Variants in GBA2 observed in about 807,000 individuals in gnomAD.
GBA2 encodes non-lysosomal glucosylceramidase.
A neutral mutation model predicts 112.9 loss-of-function variants in GBA2; 79 were observed. The observed-to-expected ratio is 0.70, with a 90% confidence interval of 0.58 to 0.84. The LOEUF (loss-of-function observed/expected upper bound fraction) is 0.84. Ranked by LOEUF, GBA2 falls within the 40% of genes least tolerant of loss-of-function variation. The pLI is 0.00. For missense variants in GBA2, 1,043 were observed against 1,190.0 expected, an observed-to-expected ratio of 0.88 and a Z score of 1.82; for synonymous variants, 403 against 434.3, an observed-to-expected ratio of 0.93 and a Z score of 0.90.
intron 12 of GBA2, 31 bp downstream of exon 12, chr9:35,738,721 G>A (rs199919791): frequency 1.1e-5 from 17 of 1,612,294 alleles, no homozygotes; most frequent in Admixed American, 1.7e-5. Flanking sequence ...CATACCCCTG[G>A]CACACTGGCC....
At position 35,737,966 on chromosome 9, in the gene GBA2, T is replaced by TTA; in HGVS notation, c.2314-28_2314-27insTA. On this transcript the variant is annotated intron_variant, in intron 15 of 16. Transcript: ENST00000378103. This position sits in a 1 kb window ranked among gnomAD's most constrained non-coding sequence, Gnocchi z 4.1. ...TGGAGGGGCAAGGGCAGGAACATGG[T>TTA]CTCATATACTTACTTCCCACCTCCA... The TTA allele has an allele frequency of 6.2e-7, 1 of 1,603,286 alleles. No homozygotes were observed. The highest frequency in any genetic ancestry group is 2.2e-5 in the East Asian group (1 of 44,738).
In GBA2 at chr9:35,739,418, G is replaced by A. The variant is rs765446374; in HGVS notation, c.1584C>T (p.Gly528=). The A allele has an allele frequency of 6.2e-7, 1 of 1,601,122 alleles. No individual in the cohort carries two copies. The highest frequency in any genetic ancestry group is 1.1e-5 in the South Asian group (1 of 90,818). The change falls in exon 10 of 17, where the codon GGC becomes GGT. Residue 528 remains glycine (G), a splice_region_variant and synonymous_variant. Coordinates refer to ENST00000378103, the MANE Select transcript of GBA2 (RefSeq NM_020944.3). ...RDYGRFGYLE[G]QEYRMYNTYD... Reference sequence around the variant, plus strand: ...ATGTGTTGTACATGCGGTACTCCTGGCCTGGAGGAATGAATGAGACACACT... The same window carrying A: ...ATGTGTTGTACATGCGGTACTCCTGACCTGGAGGAATGAATGAGACACACT...
chr9:35,737,000 T>C lies in GBA2; in HGVS notation c.*169A>G. The C allele has an allele frequency of 9.7e-7, 1 of 1,029,152 alleles. No individual in the cohort carries two copies. The highest frequency in any genetic ancestry group is 1.4e-6 in the Non-Finnish European group (1 of 722,520). The allele number at this position is 1,029,152 out of a possible 1,614,324, so 63.8% of individuals were successfully genotyped here. On this transcript the variant is annotated 3_prime_UTR_variant, in exon 17 of 17. Transcript: ENST00000378103. ...GAAAGAAATAAATAAGTGATTCTAA[T>C]GCTGCCTAGGTCACCCTCAACCCCC... is the stretch of plus-strand genomic sequence containing the variant.
rs1205620714 is a variant in GBA2, at chr9:35,741,008, T to G, written c.843A>C (p.Glu281Asp). Residue 281 changes from glutamate (E) to aspartate (D), a missense_variant, in exon 5 of 17, where the codon GAA becomes GAC. Physicochemically the swap from Glu to Asp is conservative, Grantham distance 45. Coordinates refer to ENST00000378103, the MANE Select transcript of GBA2 (RefSeq NM_020944.3). This position sits in a 1 kb window ranked among gnomAD's most constrained non-coding sequence, Gnocchi z 4.6. ...FVWDVENEGD[E>D]ALDVSIMFSM... ...AGAACATGATGGACACATCTAGAGCTTCGTCCCCTTCATTTTCCACATCCC... is the reference window on the plus strand; with the variant it reads ...AGAACATGATGGACACATCTAGAGCGTCGTCCCCTTCATTTTCCACATCCC... 9 of 1,613,942 alleles carry G rather than the reference T, an allele frequency of 5.6e-6. No individual in the cohort carries two copies. The highest frequency in any genetic ancestry group is 7.6e-6 in the Non-Finnish European group (9 of 1,179,946).
chr9:35,738,727 T>C, intron 12 of GBA2, 25 bp downstream of exon 12: 3 of 1,612,524 alleles, frequency 1.9e-6, no homozygotes, highest in African/African-American at 1.3e-5. Context: ...CCTGGCACAC[T>C]GGCCACTGCA....
chr9:35,741,541 G>A lies in GBA2; in HGVS notation c.786+131C>T, dbSNP rs181070944. The A allele has an allele frequency of 1.2e-4, 88 of 728,102 alleles. No homozygotes were observed. In the East Asian group the frequency reaches 1.9e-3, roughly 16 times the overall value. 45.1% of individuals were successfully genotyped at this position (728,102 alleles called of 1,614,324 possible). A position where few individuals can be genotyped will look rare whatever the true frequency, so the allele number is the denominator to read the frequency against. On this transcript the variant is annotated intron_variant, in intron 4 of 16. Coordinates refer to ENST00000378103, the MANE Select transcript of GBA2 (RefSeq NM_020944.3). The surrounding 1 kb of genome is among the most constrained non-coding windows in gnomAD (Gnocchi z 4.6). ...TCTCGATCTCCTGATCTCATGATCC[G>A]CCTGCCTTGGCCTCCCAAAGTGTTG... is the stretch of plus-strand genomic sequence containing the variant.
At chr9:35,739,260 A>C in intron 10 of GBA2, 55 bp downstream of exon 10, 1 of 1,217,356 alleles carries the variant, frequency 8.2e-7, no homozygotes, top group Non-Finnish European at 1.2e-6. Context: ...GGACCACAGA[A>C]GTTCGGGGGT....
At chr9:35,739,294 C>T (rs374850038) in intron 10 of GBA2, 21 bp downstream of exon 10, 31 of 1,506,784 alleles carry the variant, frequency 2.1e-5, no homozygotes, top group East Asian at 1.8e-4. Context: ...AGGGCAGAAG[C>T]GGCACAAAAG....
In GBA2 at chr9:35,740,597, A is replaced by G. The variant is rs1342067395; in HGVS notation, c.1058T>C (p.Phe353Ser). 1.2e-6 allele frequency: 2 copies of G among 1,614,058 alleles called. No homozygotes were observed. The highest frequency in any genetic ancestry group is 1.7e-6 in the Non-Finnish European group (2 of 1,179,932). Reference sequence around the variant, plus strand: ...CTGCTGCCCCGTGCTGTCAGGGTCAAAGGCTGTGATGTGGGTTACCGTGGT... The same window carrying G: ...CTGCTGCCCCGTGCTGTCAGGGTCAGAGGCTGTGATGTGGGTTACCGTGGT... ...AATTVTHITA[F>S]DPDSTGQQVW... The change falls in exon 6 of 17, where the codon TTT becomes TCT. Residue 353 changes from phenylalanine (F) to serine (S), a missense_variant. Phe to Ser is a radical substitution (Grantham distance 155, BLOSUM62 -2). Coordinates refer to ENST00000378103, the MANE Select transcript of GBA2 (RefSeq NM_020944.3). This position sits in a 1 kb window ranked among gnomAD's most constrained non-coding sequence, Gnocchi z 4.7.
At chr9:35,745,594 G>A (rs1588025279) in intron 1 of GBA2, among the ~76,000 whole-genome samples, 1 of 128,072 alleles carries the variant, frequency 7.8e-6, no homozygotes, top group East Asian at 2.2e-4. Context: ...GAAGCTTTCT[G>A]ATTTTGCTCT....
rs751675685 is a variant in GBA2 at position 35,738,336 on chromosome 9, ACAGCCACAGCTGC to A, written c.2080_2092del (p.Ala694Ter). The A allele has an allele frequency of 6.2e-7, 1 of 1,614,128 alleles. No homozygotes were observed. The highest frequency in any genetic ancestry group is 8.5e-7 in the Non-Finnish European group (1 of 1,179,994). On this transcript the variant is annotated frameshift_variant, in exon 14 of 17. Coordinates refer to ENST00000378103, the MANE Select transcript of GBA2 (RefSeq NM_020944.3). LOFTEE classifies it high-confidence loss of function. ...ACACAGAGCAGCCATCTGGACCATCACAGCCACAGCTGCCAGCCACAGCCCTCCACAGTAAGCA... is the reference window on the plus strand; with the variant it reads ...ACACAGAGCAGCCATCTGGACCATCACAGCCACAGCCCTCCACAGTAAGCA...
At position 35,741,325 on chromosome 9, in the gene GBA2, C is replaced by CTT. The variant is rs1042549418; in HGVS notation, c.787-263_787-262dup. 1,167 of 407,936 alleles carry CTT rather than the reference C, an allele frequency of 2.9e-3. No homozygotes were observed. Among genetic ancestry groups the CTT allele is most frequent in the South Asian group, 4.8e-3 (144 of 29,820 alleles). 25.3% of individuals were successfully genotyped at this position (407,936 alleles called of 1,614,324 possible). A position where few individuals can be genotyped will look rare whatever the true frequency, so the allele number is the denominator to read the frequency against. On this transcript the variant is annotated intron_variant, in intron 4 of 16. Coordinates refer to ENST00000378103, the MANE Select transcript of GBA2 (RefSeq NM_020944.3). The surrounding 1 kb of genome is among the most constrained non-coding windows in gnomAD (Gnocchi z 4.6). ...CTCCCTTTCACAGGCCATGCAGTTT[C>CTT]TTTTTTTTTTTTTTTGGGGGGTGCG...
chr9:35,741,712 G>T lies in GBA2; in HGVS notation c.746C>A (p.Thr249Asn). The change falls in exon 4 of 17, where the codon ACC becomes AAC. Residue 249 changes from threonine to asparagine, a missense_variant. Physicochemically the swap from Thr to Asn is moderately conservative, Grantham distance 65. Coordinates refer to ENST00000378103, the MANE Select transcript of GBA2 (RefSeq NM_020944.3). The surrounding 1 kb of genome is among the most constrained non-coding windows in gnomAD (Gnocchi z 4.6). ...YQLPGQNVTLTCRQITPILPH... is the reference protein window; with the variant it reads ...YQLPGQNVTLNCRQITPILPH... ...CAAGATGGGTGTGATCTGACGGCAG[G>T]TGAGGGTGACATTCTGGCCAGGAAG... 6.2e-7 allele frequency: 1 copy of T among 1,613,892 alleles called. No individual in the cohort carries two copies.
chr9:35,745,307 T>G (rs1826917184), intron 1 of GBA2, among the ~76,000 whole-genome samples: 1 of 152,004 alleles, frequency 6.6e-6, no homozygotes, highest in African/African-American at 2.4e-5. Flanking sequence ...GTGTTTTTAG[T>G]AGAGATGGGG....
In GBA2 at chr9:35,746,168, G is replaced by A. The variant is rs557718887; in HGVS notation, c.360-1462C>T. ...AGCTGAATATTACCCTCAGGTCCAA[G>A]CACAGGGTAGGACATATGGTCTGCA... On this transcript the variant is annotated intron_variant, in intron 1 of 16. Coordinates refer to ENST00000378103, the MANE Select transcript of GBA2 (RefSeq NM_020944.3). This position sits in a 1 kb window ranked among gnomAD's most constrained non-coding sequence, Gnocchi z 5.2. Among the ~76,000 whole-genome samples, 99 of 152,214 alleles carry A rather than the reference G, an allele frequency of 6.5e-4. No individual in the cohort carries two copies. The highest frequency in any genetic ancestry group is 1.3e-3 in the Non-Finnish European group (87 of 68,044).
Position 35,738,862 on chromosome 9 carries a change from C to T in GBA2, c.1837G>A (p.Asp613Asn). Residue 613 changes from aspartate (D) to asparagine (N), a missense_variant, in exon 12 of 17, where the codon GAT becomes AAT. Physicochemically the swap from Asp to Asn is conservative, Grantham distance 23 (BLOSUM62 1). Transcript: ENST00000378103. ...WLRVNAYLIH[D>N]TADWKDLNLK... ...TTCAGGTCCTTCCAATCAGCAGTATCATGGATTAAATATGCATTGACGCGG... is the reference window on the plus strand; with the variant it reads ...TTCAGGTCCTTCCAATCAGCAGTATTATGGATTAAATATGCATTGACGCGG... The T allele has an allele frequency of 6.2e-7, 1 of 1,614,086 alleles. No homozygotes were observed. The highest frequency in any genetic ancestry group is 8.5e-7 in the Non-Finnish European group (1 of 1,179,930).
chr9:35,748,677 C>G lies in GBA2; in HGVS notation c.28G>C (p.Gly10Arg). 6.3e-7 allele frequency: 1 copy of G among 1,581,890 alleles called. No homozygotes were observed. The highest frequency in any genetic ancestry group is 8.6e-7 in the Non-Finnish European group (1 of 1,160,868). MGTQDPGNM[G>R]TGVPASEQIS... Reference sequence around the variant, plus strand: ...TGCTCCGAGGCTGGGACGCCGGTTCCCATGTTCCCTGGATCCTGGGTCCCC... The same window carrying G: ...TGCTCCGAGGCTGGGACGCCGGTTCGCATGTTCCCTGGATCCTGGGTCCCC... The change falls in exon 1 of 17, where the codon GGA (glycine) becomes CGA (arginine). Residue 10 changes from glycine (G) to arginine (R), a missense_variant. Physicochemically the swap from Gly to Arg is moderately radical, Grantham distance 125 (BLOSUM62 -2). Coordinates refer to ENST00000378103, the MANE Select transcript of GBA2 (RefSeq NM_020944.3).
At chr9:35,739,895 TCC>T in intron 8 of GBA2, 95 bp from the exon 9 acceptor site, 1 of 1,546,780 alleles carries the variant, frequency 6.5e-7, no homozygotes, top group Non-Finnish European at 8.9e-7. Context: ...ATCAAATGAA[TCC>T]CAGTGCAAGT....
intron 3 of GBA2, among the ~76,000 whole-genome samples, chr9:35,743,088 A>G (rs1270214049): frequency 2.0e-5 from 3 of 152,274 alleles, no homozygotes; most frequent in South Asian, 4.1e-4. Flanking sequence ...AAATACTATA[A>G]GCCATTTCAA....
Sources: allele counts gnomAD v4.1 joint callset (sites outside exome capture counted in the v4.1 genomes callset), GRCh38; gene constraint gnomAD v4.1.1; non-coding constraint Gnocchi (gnomAD v3.1); transcripts MANE v1.5; gene names NCBI Gene and HGNC (gene_info 2026-07-23, HGNC 2026-07-21).